Variants in RBM27 observed in about 807,000 individuals in gnomAD.
The protein encoded by RBM27 is RNA-binding protein 27.
A neutral mutation model predicts 135.3 loss-of-function variants in RBM27; 22 were observed. That is an observed-to-expected ratio of 0.16 (90% CI 0.12 to 0.23). The LOEUF is 0.23. Among genes scored for constraint, RBM27 ranks in the 10% least tolerant of loss-of-function variants. RBM27 has a pLI of 1.00. For synonymous variants in RBM27, 481 were observed against 442.4 expected (o/e 1.09, Z -1.10); for missense variants, 1,009 against 1,281.0 (o/e 0.79, Z 3.24).
chr5:146,216,299 C>T (rs1030617418), intron 1 of RBM27, among the ~76,000 whole-genome samples: 2 of 152,180 alleles, frequency 1.3e-5, no homozygotes, highest in Non-Finnish European at 2.9e-5. Flanking sequence ...TGGCCTCCCA[C>T]AGGTGTGAGC....
At position 146,223,536 on chromosome 5, in the gene RBM27, A is replaced by G; in HGVS notation, c.303+9A>G. ...AAGAAATTAAAGAAGAGGTAATGCA[A>G]ATTTTTTCTCCTGCTTTTGGGGGCT... is the stretch of plus-strand genomic sequence containing the variant. On this transcript the variant is annotated intron_variant, in intron 3 of 20. Transcript: ENST00000265271. The G allele has an allele frequency of 1.3e-6, 2 of 1,592,490 alleles. No individual in the cohort carries two copies. Among genetic ancestry groups the G allele is most frequent in the Non-Finnish European group, 1.7e-6 (2 of 1,174,044 alleles).
chr5:146,215,939 C>T (rs552312414), intron 1 of RBM27, among the ~76,000 whole-genome samples: 11 of 152,082 alleles, frequency 7.2e-5, no homozygotes, highest in East Asian at 5.8e-4. Context: ...TTAGTAGAGA[C>T]GGGATTTCAC....
At chr5:146,247,914 T>C (rs928495041) in intron 8 of RBM27, among the ~76,000 whole-genome samples, 4 of 152,228 alleles carry the variant, frequency 2.6e-5, no homozygotes, top group Non-Finnish European at 5.9e-5. Flanking sequence ...TGCTGTTGTA[T>C]GTGAAACTCT....
chr5:146,212,733 G>A (rs1488563675), intron 1 of RBM27, among the ~76,000 whole-genome samples: 1 of 149,902 alleles, frequency 6.7e-6, no homozygotes, highest in Non-Finnish European at 1.5e-5. Context: ...TTTTTGAGAT[G>A]GAGTCTTGCT....
At chr5:146,246,882 T>G (rs1455115195) in intron 8 of RBM27, among the ~76,000 whole-genome samples, 3 of 151,222 alleles carry the variant, frequency 2.0e-5, no homozygotes, top group Non-Finnish European at 4.4e-5. Context: ...TTTTTTTTTT[T>G]AGACAAGGTC....
At chr5:146,228,894 T>G (rs1165129704) in intron 3 of RBM27, 52 bp from the exon 4 acceptor site, 26 of 1,463,274 alleles carry the variant, frequency 1.8e-5, no homozygotes, top group Non-Finnish European at 2.4e-5. Context: ...ATTACAGGTG[T>G]GAGCCACCGT....
At chr5:146,283,181 G>A (rs1016249906) in intron 19 of RBM27, among the ~76,000 whole-genome samples, 5 of 152,146 alleles carry the variant, frequency 3.3e-5, no homozygotes, top group Non-Finnish European at 5.9e-5. Context: ...TAATTGGGCT[G>A]TGTGTTAAAG....
chr5:146,228,329 T>C (rs1460074228), intron 3 of RBM27, among the ~76,000 whole-genome samples: 1 of 147,474 alleles, frequency 6.8e-6, no homozygotes, highest in Non-Finnish European at 1.5e-5. Context: ...TTGCCCAGGC[T>C]GGAGCGCAGT....
chr5:146,209,345 G>C (rs931789462), intron 1 of RBM27, among the ~76,000 whole-genome samples: 2 of 152,182 alleles, frequency 1.3e-5, no homozygotes, highest in Admixed American at 1.3e-4. Flanking sequence ...GGTAGGAACA[G>C]GAATTGCTAG....
chr5:146,258,071 G>A (rs1264803000), intron 10 of RBM27, among the ~76,000 whole-genome samples: 4 of 151,984 alleles, frequency 2.6e-5, no homozygotes, highest in South Asian at 4.1e-4. Context: ...CGCCCGCCTC[G>A]GCCTCCCAAA....
At chr5:146,205,390 A>C (rs952525608) in intron 1 of RBM27, among the ~76,000 whole-genome samples, 2 of 152,210 alleles carry the variant, frequency 1.3e-5, no homozygotes, top group African/African-American at 4.8e-5. Context: ...GCTTTGATTC[A>C]TTAGGTCAGA....
chr5:146,260,645 G>T, intron 11 of RBM27, 100 bp from the exon 12 acceptor site: 1 of 976,120 alleles, frequency 1.0e-6, no homozygotes, highest in South Asian at 2.0e-5. Context: ...AGCCACAAAA[G>T]GCACTTAAAA....
At chr5:146,204,020 C>T (rs987908122) in intron 1 of RBM27, among the ~76,000 whole-genome samples, 196 bp downstream of exon 1, 11 of 151,688 alleles carry the variant, frequency 7.3e-5, no homozygotes, top group African/African-American at 1.2e-4. Context: ...CGGAGAGGCG[C>T]CGTGAATATG....
rs1757129573 is a variant in RBM27, at chr5:146,235,756, G to A, written c.1145-1542G>A. On this transcript the variant is annotated intron_variant, in intron 7 of 20. Coordinates refer to ENST00000265271, the MANE Select transcript of RBM27 (RefSeq NM_018989.2). ...GTGCAGTGGGGAGATCTTGGCTCAC[G>A]ACTCACTGCAACCTCCGCCTCCCAG... 1.3e-5 allele frequency among the ~76,000 whole-genome samples: 2 copies of A among 151,602 alleles called. 1 individual carries two copies. The highest frequency in any genetic ancestry group is 4.2e-4 in the South Asian group (2 of 4,808).
chr5:146,219,126 C>G, intron 2 of RBM27, 23 bp downstream of exon 2: 1 of 1,466,942 alleles, frequency 6.8e-7, no homozygotes, highest in Non-Finnish European at 9.5e-7. Flanking sequence ...GGCCTTCAAT[C>G]GAGTATTGAA....
At chr5:146,239,317 C>G (rs1757299096) in intron 8 of RBM27, among the ~76,000 whole-genome samples, 1 of 152,050 alleles carries the variant, frequency 6.6e-6, no homozygotes, top group African/African-American at 2.4e-5. Context: ...TGTTTAACTT[C>G]CCTAAGTCAT....
chr5:146,258,672 A>G (rs1472792688), intron 11 of RBM27, 79 bp downstream of exon 11: 21 of 1,272,226 alleles, frequency 1.7e-5, no homozygotes, highest in Non-Finnish European at 1.7e-5. Context: ...AAGATTTGTC[A>G]TTAATTAATG....
At position 146,250,356 on chromosome 5, in the gene RBM27, G is replaced by T. The variant is rs190430605; in HGVS notation, c.1280-1355G>T. Among the ~76,000 whole-genome samples the T allele has an allele frequency of 2.3e-3, 352 of 150,822 alleles. 1 individual carries two copies. Among genetic ancestry groups the T allele is most frequent in the African/African-American group, 8.0e-3 (328 of 40,994 alleles). On this transcript the variant is annotated intron_variant, in intron 8 of 20. Coordinates refer to ENST00000265271, the MANE Select transcript of RBM27 (RefSeq NM_018989.2). ...CTCGGGAGGCTGAGGCAGGAGAATG[G>T]CGTGAACCCGGGAGACGGAGCTTGC...
intron 2 of RBM27, among the ~76,000 whole-genome samples, chr5:146,221,986 G>A (rs1756480416): frequency 6.6e-6 from 1 of 151,674 alleles, no homozygotes; most frequent in Admixed American, 6.6e-5. Context: ...AGAGAATATT[G>A]TTTAATAGTA....
Sources: allele counts gnomAD v4.1 joint callset (sites outside exome capture counted in the v4.1 genomes callset), GRCh38; gene constraint gnomAD v4.1.1; transcripts MANE v1.5; gene names NCBI Gene and HGNC (gene_info 2026-07-23, HGNC 2026-07-21).